Variants in PSMD10 observed in about 807,000 individuals in gnomAD.
PSMD10 encodes the protein 26S proteasome non-ATPase regulatory subunit 10.
Under a neutral mutation model 13.2 loss-of-function variants are expected in PSMD10, and 2 were observed. The ratio of observed to expected loss-of-function variants is 0.15; its 90% confidence interval spans 0.06 to 0.48. The LOEUF (loss-of-function observed/expected upper bound fraction) is 0.48, where lower values mean the gene tolerates loss of function less well. Among genes scored for constraint, PSMD10 ranks in the 20% least tolerant of loss-of-function variants. PSMD10 has a pLI of 0.97. For missense variants in PSMD10, 120 were observed against 167.4 expected, an observed-to-expected ratio of 0.72 and a Z score of 1.56; for synonymous variants, 66 against 64.4, an observed-to-expected ratio of 1.03 and a Z score of -0.12.
chrX:108,089,834 AAAAAATAAATAAAT>A (rs2031547458), intron 1 of PSMD10, among the ~76,000 whole-genome samples: 1 of 112,175 alleles, frequency 8.9e-6, no homozygotes. Flanking sequence ...ACTCTGTTTC[AAAAAATAAATAAAT>A]AAAAATAAAT....
At chrX:108,088,193 GC>G in intron 2 of PSMD10, 94 bp from the exon 3 acceptor site, 1 of 906,956 alleles carries the variant, frequency 1.1e-6, no homozygotes, top group Non-Finnish European at 1.5e-6. Context: ...CTTTACAAAG[GC>G]AAAAAAATAT....
At chrX:108,089,104 G>A (rs2031533924) in intron 1 of PSMD10, among the ~76,000 whole-genome samples, 1 of 112,332 alleles carries the variant, frequency 8.9e-6, no homozygotes, top group African/African-American at 3.2e-5. Flanking sequence ...GCAAGAAACT[G>A]ATTTCAATGC....
At chrX:108,086,872 A>G (rs1156395494) in intron 4 of PSMD10, among the ~76,000 whole-genome samples, 2 of 111,583 alleles carry the variant, frequency 1.8e-5, no homozygotes, top group East Asian at 2.8e-4. Flanking sequence ...TTCCACTTCT[A>G]GGAGTCTATA....
At position 108,091,401 on chromosome X, in the gene PSMD10, C is replaced by A. The variant is rs764154213; in HGVS notation, c.114+6G>T. 1 of 1,207,110 alleles carries A rather than the reference C, an allele frequency of 8.3e-7. No homozygotes were observed. The highest frequency in any genetic ancestry group is 1.7e-5 in the African/African-American group (1 of 57,550). ...CCGACTGCGGAGAGACCTAGCGTTG[C>A]TTTACCTGGTCAGTTCTAGTAGCCA... is the stretch of plus-strand genomic sequence containing the variant. On this transcript the variant is annotated splice_donor_region_variant and intron_variant, in intron 1 of 4. Transcript: ENST00000217958.
At position 108,091,506 on chromosome X, in the gene PSMD10, C is replaced by A; in HGVS notation, c.15G>T (p.Val5=). 8.3e-7 allele frequency: 1 copy of A among 1,211,045 alleles called. No homozygotes were observed. The highest frequency in any genetic ancestry group is 2.2e-5 in the Admixed American group (1 of 46,149). The change falls in exon 1 of 5, where the codon GTG becomes GTT. Residue 5 remains valine (V), a synonymous_variant. Transcript: ENST00000217958. ...CCAGGTTGCAGACCATTAGGTTAGA[C>A]ACACACCCCTCCATTTCGCTGTCCC... The part of the protein sequence containing the change: MEGC[V]SNLMVCNLAY...
chrX:108,088,105 AAAG>A lies in PSMD10; in HGVS notation c.214-9_214-7del. 8.3e-7 allele frequency: 1 copy of A among 1,198,518 alleles called. No individual in the cohort carries two copies. The highest frequency in any genetic ancestry group is 1.1e-6 in the Non-Finnish European group (1 of 886,361). On this transcript the variant is annotated splice_polypyrimidine_tract_variant and splice_region_variant and intron_variant, in intron 2 of 4. Transcript: ENST00000217958. The stretch of plus-strand genomic sequence containing the variant: ...TGAAGAGGAGACCAACCTGCCTATA[AAAG>A]AAGTAGGTAGTAGAAATACCAGGGG...
In PSMD10 at chrX:108,090,206, C is replaced by T. The variant is rs1346192558; in HGVS notation, c.114+1201G>A. Among the ~76,000 whole-genome samples the T allele has an allele frequency of 1.8e-5, 2 of 112,211 alleles. 1 individual carries two copies. Among genetic ancestry groups the T allele is most frequent in the South Asian group, 7.4e-4 (2 of 2,721 alleles). On this transcript the variant is annotated intron_variant, in intron 1 of 4. Transcript: ENST00000217958. ...ATTATTACACTTACTAAAATTAACA[C>T]TAACTCCTTTAGAATGTCTAATATC...
chrX:108,090,161 T>G (rs1317023144), intron 1 of PSMD10, among the ~76,000 whole-genome samples: 2 of 112,312 alleles, frequency 1.8e-5, no homozygotes, highest in South Asian at 3.7e-4. Context: ...TAAAGGTATT[T>G]CTTATATAAC....
At chrX:108,087,902 T>C (rs2031516984) in intron 3 of PSMD10, 50 bp from the exon 4 acceptor site, 1 of 1,210,268 alleles carries the variant, frequency 8.3e-7, no homozygotes, top group African/African-American at 1.7e-5. Flanking sequence ...TCTATCTGTG[T>C]TTGTATACAC....
chrX:108,085,077 G>A lies in PSMD10; in HGVS notation c.578C>T (p.Ser193Phe). 8.3e-7 allele frequency: 1 copy of A among 1,208,971 alleles called. No individual in the cohort carries two copies. Among genetic ancestry groups the A allele is most frequent in the Non-Finnish European group, 1.1e-6 (1 of 894,206 alleles). The change falls in exon 5 of 5, where the codon TCC becomes TTC. Residue 193 changes from serine (S) to phenylalanine (F), a missense_variant. Coordinates refer to ENST00000217958, the MANE Select transcript of PSMD10 (RefSeq NM_002814.4). ...ERVEEAKLLV[S>F]QGASIYIENK... Reference sequence around the variant, plus strand: ...CTCAATGTAAATACTTGCTCCTTGGGACACCAGCAGTTTTGCTTCTTCCAC... The same window carrying A: ...CTCAATGTAAATACTTGCTCCTTGGAACACCAGCAGTTTTGCTTCTTCCAC...
At chrX:108,087,039 C>T (rs1345689864) in intron 4 of PSMD10, 1 of 111,628 alleles carries the variant, frequency 9.0e-6, no homozygotes, top group Non-Finnish European at 1.9e-5. Flanking sequence ...AATCCTCCCA[C>T]CTCAACCTCC....
Position 108,087,812 on chromosome X carries a change from G to T in PSMD10, c.401C>A (p.Ala134Asp). Reference protein sequence around the residue: ...MLLEGGANPDAKDHYEATAMH... With the variant: ...MLLEGGANPDDKDHYEATAMH... ...TGCTGTAGCCTCATAATGGTCCTTAGCATCTGGATTAGCCCCGCCTTCCAG... is the reference window on the plus strand; with the variant it reads ...TGCTGTAGCCTCATAATGGTCCTTATCATCTGGATTAGCCCCGCCTTCCAG... Residue 134 changes from alanine (A) to aspartate (D), a missense_variant, in exon 4 of 5, where the codon GCT (alanine) becomes GAT (aspartate). Physicochemically the swap from Ala to Asp is moderately radical, Grantham distance 126. This residue lies in a region of PSMD10 where 68 missense variants were observed against 124.8 expected (regional missense o/e 0.54). Transcript: ENST00000217958. The T allele has an allele frequency of 8.3e-7, 1 of 1,211,781 alleles. No individual in the cohort carries two copies. The highest frequency in any genetic ancestry group is 1.1e-6 in the Non-Finnish European group (1 of 895,491).
At chrX:108,091,284 T>C in intron 1 of PSMD10, 123 bp downstream of exon 1, 1 of 625,595 alleles carries the variant, frequency 1.6e-6, no homozygotes. Flanking sequence ...GGGGACTGCT[T>C]GGGGCGGCGG....
intron 4 of PSMD10, among the ~76,000 whole-genome samples, chrX:108,085,497 T>C (rs1268313317): frequency 8.9e-6 from 1 of 112,686 alleles, no homozygotes; most frequent in Non-Finnish European, 1.9e-5. Flanking sequence ...TTAATAGTAA[T>C]TCGTGCAGCT....
rs1216453660 is a variant in PSMD10 at position 108,084,255 on chromosome X, AT to A, written c.*718del. Reference sequence around the variant, plus strand: ...GTTTCTGAAATACAAATCAAAATACATTTTTGTTACATGTCATTTTAACAAG... The same window carrying A: ...GTTTCTGAAATACAAATCAAAATACATTTTGTTACATGTCATTTTAACAAG... On this transcript the variant is annotated 3_prime_UTR_variant, in exon 5 of 5. Coordinates refer to ENST00000217958, the MANE Select transcript of PSMD10 (RefSeq NM_002814.4). 2 of 112,709 alleles carry A rather than the reference AT, an allele frequency of 1.8e-5. No individual in the cohort carries two copies. The allele number at this position is 112,709 out of a possible 1,213,427, so 9.3% of individuals were successfully genotyped here.
intron 1 of PSMD10, 124 bp downstream of exon 1, chrX:108,091,283 T>C (rs780670693): frequency 3.4e-5 from 21 of 621,092 alleles, no homozygotes; most frequent in Non-Finnish European, 4.5e-5. Context: ...GGGGGACTGC[T>C]TGGGGCGGCG....
intron 3 of PSMD10, 31 bp downstream of exon 3, chrX:108,087,922 T>C (rs771429986): frequency 4.1e-6 from 5 of 1,211,811 alleles, no homozygotes. Flanking sequence ...CGTTTAGAAC[T>C]CAACAGAAGT....
intron 4 of PSMD10, 119 bp from the exon 5 acceptor site, chrX:108,085,246 T>G: frequency 1.3e-6 from 1 of 755,014 alleles, no homozygotes. Context: ...TGGAAAGTTA[T>G]TTAATCAGGA....
chrX:108,086,086 T>C (rs1196669273), intron 4 of PSMD10, among the ~76,000 whole-genome samples: 1 of 111,893 alleles, frequency 8.9e-6, no homozygotes, highest in African/African-American at 3.3e-5. Context: ...AATAATACTT[T>C]TTAAAAGTTG....
Sources: allele counts gnomAD v4.1 joint callset (sites outside exome capture counted in the v4.1 genomes callset), GRCh38; gene constraint gnomAD v4.1.1; regional missense constraint gnomAD v4.1.1; transcripts MANE v1.5; gene names NCBI Gene and HGNC (gene_info 2026-07-23, HGNC 2026-07-21).